LNX2: variants seen among roughly 807,000 people sequenced by gnomAD.
LNX2 encodes the protein ligand of Numb protein X 2.
Under a neutral mutation model 66.2 loss-of-function variants are expected in LNX2, and 35 were observed. The observed-to-expected ratio is 0.53, with a 90% CI of 0.40 to 0.70. LNX2 has a LOEUF of 0.70. Among genes scored for constraint, LNX2 ranks in the 30% least tolerant of loss-of-function variants. The probability of loss-of-function intolerance (pLI) is 0.00; values close to 1 mark genes in which losing one functional copy is unlikely to be tolerated. For missense variants in LNX2, 791 were observed against 850.8 expected (o/e 0.93, Z 0.87); for synonymous variants, 337 against 315.6 (o/e 1.07, Z -0.72).
chr13:27,604,739 C>T (rs1955695698), intron 1 of LNX2, among the ~76,000 whole-genome samples: 1 of 151,916 alleles, frequency 6.6e-6, no homozygotes, highest in Admixed American at 6.6e-5. Context: ...AAATCTATGG[C>T]TCAAAGGGTT....
At chr13:27,566,785 G>A (rs1287212721) in intron 4 of LNX2, among the ~76,000 whole-genome samples, 2 of 152,082 alleles carry the variant, frequency 1.3e-5, no homozygotes, top group Admixed American at 6.5e-5. Flanking sequence ...GAGTCCCTGC[G>A]CTTGGGTTGA....
chr13:27,612,546 T>A (rs549710252), intron 1 of LNX2, among the ~76,000 whole-genome samples: 5 of 152,362 alleles, frequency 3.3e-5, no homozygotes, highest in African/African-American at 1.2e-4. Context: ...GCCACATGTG[T>A]CATTTCAAAC....
At chr13:27,566,903 G>A (rs942347003) in intron 4 of LNX2, among the ~76,000 whole-genome samples, 10 of 151,992 alleles carry the variant, frequency 6.6e-5, no homozygotes, top group East Asian at 5.8e-4. Flanking sequence ...GGTCCAGGCC[G>A]GTATTAACAT....
chr13:27,574,664 A>G (rs1955324012), intron 2 of LNX2, among the ~76,000 whole-genome samples: 1 of 152,198 alleles, frequency 6.6e-6, no homozygotes, highest in Admixed American at 6.5e-5. Flanking sequence ...AATGGCCAAA[A>G]ATCTTCCCAA....
chr13:27,559,999 AAAT>A lies in LNX2; in HGVS notation c.1225-17_1225-15del, dbSNP rs759591956. On this transcript the variant is annotated splice_polypyrimidine_tract_variant and intron_variant, in intron 5 of 9. Transcript: ENST00000316334. ...CTCTCCACTGGCCTGGAGAAAACAC[AAAT>A]ACATTACCATAAGTGACTAATGATG... 7.6e-6 allele frequency: 12 copies of A among 1,584,786 alleles called. No homozygotes were observed. The highest frequency in any genetic ancestry group is 1.0e-5 in the Non-Finnish European group (12 of 1,164,914).
rs1329911978 is a variant in LNX2, at chr13:27,562,402, A to G, written c.1224+11T>C. ...GGCCAAGCCTTTGGAATGAAGGCCA[A>G]GAGGGTTTACCTGAATAATCTGGGC... On this transcript the variant is annotated intron_variant, in intron 5 of 9. Transcript: ENST00000316334. The G allele has an allele frequency of 5.6e-6, 9 of 1,605,676 alleles. No homozygotes were observed. The highest frequency in any genetic ancestry group is 1.1e-5 in the South Asian group (1 of 90,024).
chr13:27,589,455 T>C (rs546719426), intron 1 of LNX2, among the ~76,000 whole-genome samples: 19 of 152,374 alleles, frequency 1.2e-4, no homozygotes, highest in African/African-American at 3.6e-4. Flanking sequence ...TTGGTATATT[T>C]ACCTTTTAGT....
intron 6 of LNX2, 134 bp downstream of exon 6, chr13:27,559,708 T>G: frequency 1.2e-6 from 1 of 808,690 alleles, no homozygotes; most frequent in Non-Finnish European, 1.8e-6. Context: ...ATAACAACCC[T>G]CATTTGAATC....
intron 9 of LNX2, among the ~76,000 whole-genome samples, chr13:27,549,018 A>G (rs1954975414): frequency 6.6e-6 from 1 of 152,182 alleles, no homozygotes; most frequent in South Asian, 2.1e-4. Context: ...TATACCATAA[A>G]TATACTATTT....
intron 3 of LNX2, 50 bp from the exon 4 acceptor site, chr13:27,567,889 C>T (rs202072030): frequency 7.1e-7 from 1 of 1,415,688 alleles, no homozygotes; most frequent in Non-Finnish European, 9.9e-7. Flanking sequence ...AAAAAATAAA[C>T]AAACCCAACA....
Position 27,562,792 on chromosome 13 carries a change from A to C in LNX2, c.856-11T>G, listed in dbSNP as rs1292230022. 1 of 1,592,878 alleles carries C rather than the reference A, an allele frequency of 6.3e-7. No individual in the cohort carries two copies. The highest frequency in any genetic ancestry group is 2.2e-5 in the East Asian group (1 of 44,516). ...ATTGTAGTTGTTGACCTAGAAAAAA[A>C]GAATTGTGACCGAAGTGTGACAACC... On this transcript the variant is annotated splice_polypyrimidine_tract_variant and intron_variant, in intron 4 of 9. Transcript: ENST00000316334.
rs560440151 is a variant in LNX2, at chr13:27,554,964, G to A, written c.1546+1272C>T. Among the ~76,000 whole-genome samples the A allele has an allele frequency of 2.0e-5, 3 of 152,164 alleles. No individual in the cohort carries two copies. In the South Asian group the frequency reaches 6.2e-4, roughly 32 times the overall value. On this transcript the variant is annotated intron_variant, in intron 7 of 9. Coordinates refer to ENST00000316334, the MANE Select transcript of LNX2 (RefSeq NM_153371.4). ...TAGTATCTTACTGTGGTTTTGATTT[G>A]TGTTTGAGACAGGATCTCACTCTGA...
chr13:27,567,988 C>G (rs530245054), intron 3 of LNX2, 149 bp from the exon 4 acceptor site: 26 of 691,172 alleles, frequency 3.8e-5, no homozygotes, highest in Admixed American at 7.8e-5. Context: ...AACAAAATGA[C>G]AAAATATCTG....
chr13:27,596,222 T>C (rs1384601380), intron 1 of LNX2, among the ~76,000 whole-genome samples: 1 of 152,124 alleles, frequency 6.6e-6, no homozygotes, highest in Non-Finnish European at 1.5e-5. Flanking sequence ...AAGAAAAAGT[T>C]AGGTATGTCA....
intron 6 of LNX2, among the ~76,000 whole-genome samples, chr13:27,558,005 T>C (rs545599647): frequency 6.6e-6 from 1 of 152,196 alleles, no homozygotes; most frequent in East Asian, 1.9e-4. Flanking sequence ...GTCTAAAATG[T>C]ATGCAATTTT....
At chr13:27,558,204 C>T (rs924002754) in intron 6 of LNX2, among the ~76,000 whole-genome samples, 1 of 151,844 alleles carries the variant, frequency 6.6e-6, no homozygotes, top group Admixed American at 6.6e-5. Context: ...ATGTGTTTTC[C>T]CTAGGAGACC....
At chr13:27,612,502 T>C (rs1452924289) in intron 1 of LNX2, among the ~76,000 whole-genome samples, 1 of 152,246 alleles carries the variant, frequency 6.6e-6, no homozygotes, top group African/African-American at 2.4e-5. Flanking sequence ...CCAAACACCC[T>C]ATGCCAGCAT....
At chr13:27,549,702 C>A (rs1954983729) in intron 9 of LNX2, among the ~76,000 whole-genome samples, 1 of 152,234 alleles carries the variant, frequency 6.6e-6, no homozygotes, top group African/African-American at 2.4e-5. Flanking sequence ...CCGCGCCAGG[C>A]ATCCTGTAAG....
chr13:27,549,278 G>C (rs1954978668), intron 9 of LNX2, among the ~76,000 whole-genome samples: 1 of 152,030 alleles, frequency 6.6e-6, no homozygotes, highest in South Asian at 2.1e-4. Context: ...TTCTCCATCT[G>C]CATAGCATTC....
Sources: gnomAD v4.1 joint callset for allele counts (sites outside exome capture counted in the v4.1 genomes callset) on GRCh38, gnomAD v4.1.1 for gene constraint, MANE v1.5 for transcripts, NCBI Gene and HGNC (gene_info 2026-07-23, HGNC 2026-07-21) for gene names.